Variants in SLC16A10 observed in about 807,000 individuals in gnomAD.
The protein encoded by SLC16A10 is solute carrier family 16 member 10, also known as monocarboxylate transporter 10.
In SLC16A10, 27 loss-of-function variants were observed where a neutral mutation model predicts 40.0. That is an observed-to-expected ratio of 0.67 (90% CI 0.50 to 0.93). The LOEUF (loss-of-function observed/expected upper bound fraction) is 0.93, where lower values mean the gene tolerates loss of function less well. Among genes scored for constraint, SLC16A10 ranks in the 40% least tolerant of loss-of-function variants. The pLI is 0.00. For synonymous variants in SLC16A10, 213 were observed against 249.8 expected (o/e 0.85, Z 1.39); for missense variants, 529 against 658.2 (o/e 0.80, Z 2.15).
chr6:111,112,696 T>A (rs1422640399), intron 1 of SLC16A10, among the ~76,000 whole-genome samples: 1 of 152,232 alleles, frequency 6.6e-6, no homozygotes, highest in African/African-American at 2.4e-5. Flanking sequence ...CCAATGTCTA[T>A]TTAATTAGTA....
chr6:111,098,613 A>G (rs926962754), intron 1 of SLC16A10, among the ~76,000 whole-genome samples: 11 of 152,156 alleles, frequency 7.2e-5, no homozygotes, highest in Admixed American at 1.3e-4. Context: ...TTCTGTGTAG[A>G]TAAGTATTAA....
chr6:111,109,789 T>C (rs1562399957), intron 1 of SLC16A10, among the ~76,000 whole-genome samples: 1 of 152,178 alleles, frequency 6.6e-6, no homozygotes, highest in Non-Finnish European at 1.5e-5. Context: ...TTGATGGATA[T>C]TGGGTTGTTT....
chr6:111,164,103 G>C (rs540568160), intron 1 of SLC16A10, among the ~76,000 whole-genome samples: 7 of 152,276 alleles, frequency 4.6e-5, no homozygotes, highest in African/African-American at 1.4e-4. Context: ...TTCACACACA[G>C]AATTTCTTTT....
At chr6:111,102,040 G>A (rs1434325130) in intron 1 of SLC16A10, among the ~76,000 whole-genome samples, 1 of 152,178 alleles carries the variant, frequency 6.6e-6, no homozygotes, top group Non-Finnish European at 1.5e-5. Flanking sequence ...TAAGTGTGAT[G>A]TTCTACCATA....
chr6:111,129,058 G>A (rs1771736345), intron 1 of SLC16A10, among the ~76,000 whole-genome samples: 1 of 151,254 alleles, frequency 6.6e-6, no homozygotes, highest in African/African-American at 2.4e-5. Context: ...TTAACATTAT[G>A]CTATAACAGG....
At chr6:111,213,639 A>C (rs562154591) in intron 4 of SLC16A10, among the ~76,000 whole-genome samples, 1 of 152,214 alleles carries the variant, frequency 6.6e-6, no homozygotes, top group African/African-American at 2.4e-5. Context: ...CTCCGTACTC[A>C]GTCTCATCTA....
chr6:111,100,959 C>CTCTCTCTCT (rs1562397089), intron 1 of SLC16A10, among the ~76,000 whole-genome samples: 4 of 81,490 alleles, frequency 4.9e-5, no homozygotes, highest in African/African-American at 1.4e-4. Flanking sequence ...TCTTTCTCTC[C>CTCTCTCTCT]CTCTCTCTCT....
intron 3 of SLC16A10, among the ~76,000 whole-genome samples, chr6:111,186,227 T>G (rs1291157916): frequency 6.6e-6 from 1 of 152,202 alleles, no homozygotes; most frequent in Non-Finnish European, 1.5e-5. Context: ...CATTTTGTTT[T>G]GCATGTGTCT....
chr6:111,187,141 T>C (rs1772911844), intron 3 of SLC16A10, among the ~76,000 whole-genome samples: 1 of 152,236 alleles, frequency 6.6e-6, no homozygotes, highest in South Asian at 2.1e-4. Flanking sequence ...ACAACATTTA[T>C]TTCCCGCATT....
At chr6:111,214,401 A>G (rs1773388987) in intron 4 of SLC16A10, among the ~76,000 whole-genome samples, 1 of 152,234 alleles carries the variant, frequency 6.6e-6, no homozygotes, top group Non-Finnish European at 1.5e-5. Context: ...CCAGATCAGT[A>G]TTTGATGCCT....
intron 1 of SLC16A10, among the ~76,000 whole-genome samples, chr6:111,169,922 T>TC (rs1383841609): frequency 1.3e-5 from 2 of 148,188 alleles, no homozygotes; most frequent in African/African-American, 2.5e-5. Context: ...TTTCTTTCTT[T>TC]TTTTTTTTTT....
At chr6:111,091,241 A>G (rs149367798) in intron 1 of SLC16A10, 9 of 152,284 alleles carry the variant, frequency 5.9e-5, no homozygotes, top group African/African-American at 2.2e-4. Flanking sequence ...ATGAATTTGC[A>G]TGTCATCCTT....
intron 3 of SLC16A10, among the ~76,000 whole-genome samples, chr6:111,200,846 G>A (rs1377740972): frequency 2.0e-5 from 3 of 152,056 alleles, no homozygotes; most frequent in African/African-American, 7.2e-5. Flanking sequence ...TTCAAATGTT[G>A]GATGGATATT....
In SLC16A10 at chr6:111,229,990, C is replaced by CT. The variant is rs4038340; in HGVS notation, c.*7773dup. 10,413 of 85,062 alleles carry CT rather than the reference C, an allele frequency of 0.12. 1,060 individuals are homozygous for CT. Among genetic ancestry groups the CT allele is most frequent in the Non-Finnish European group, 0.17 (8,215 of 49,446 alleles). The allele number at this position is 85,062 out of a possible 1,614,324, so 5.3% of individuals were successfully genotyped here. On this transcript the variant is annotated 3_prime_UTR_variant, in exon 6 of 6. Transcript: ENST00000368851. ...CAGGTTTCTTTTTCTTTCTTTGTTT[C>CT]TTTTTTTTTTTTTTTTTTGAGATGG...
Position 111,087,633 on chromosome 6 carries a change from G to T in SLC16A10, c.-120G>T. The T allele has an allele frequency of 1.9e-6, 1 of 520,496 alleles. No individual in the cohort carries two copies. The highest frequency in any genetic ancestry group is 4.6e-5 in the East Asian group (1 of 21,612). 32.2% of individuals were successfully genotyped at this position (520,496 alleles called of 1,614,324 possible). A position where few individuals can be genotyped will look rare whatever the true frequency, so the allele number is the denominator to read the frequency against. ...CTGCCAGCCCGCCCGCCCGCCAGGGGCTCCGCCGCCCTCGCCTCGGCCTCG... is the reference window on the plus strand; with the variant it reads ...CTGCCAGCCCGCCCGCCCGCCAGGGTCTCCGCCGCCCTCGCCTCGGCCTCG... On this transcript the variant is annotated 5_prime_UTR_variant, in exon 1 of 6. Coordinates refer to ENST00000368851, the MANE Select transcript of SLC16A10 (RefSeq NM_018593.5).
rs898034340 is a variant in SLC16A10 at position 111,109,691 on chromosome 6, AT to A, written c.343+21597del. 3.8e-4 allele frequency among the ~76,000 whole-genome samples: 58 copies of A among 152,038 alleles called. 1 individual carries two copies. Among genetic ancestry groups the A allele is most frequent in the South Asian group, 1.5e-3 (7 of 4,804 alleles). On this transcript the variant is annotated intron_variant, in intron 1 of 5. Transcript: ENST00000368851. ...GGTCTCAAACTCCTGGCCTCAAGCA[AT>A]CCTTCTGCCTTGGCCCCTCAAAGTG...
At chr6:111,128,889 AT>A (rs1771729898) in intron 1 of SLC16A10, among the ~76,000 whole-genome samples, 1 of 149,342 alleles carries the variant, frequency 6.7e-6, no homozygotes, top group Admixed American at 6.8e-5. Context: ...ATATTCAAAA[AT>A]AAAACAATTT....
intron 1 of SLC16A10, among the ~76,000 whole-genome samples, chr6:111,168,596 CAA>C (rs1289031110): frequency 1.3e-5 from 2 of 152,128 alleles, no homozygotes; most frequent in African/African-American, 4.8e-5. Context: ...TAAAACTTGA[CAA>C]AACTAGAAAT....
Position 111,210,284 on chromosome 6 carries a change from G to A in SLC16A10, c.1086+3549G>A, listed in dbSNP as rs1773324133. The stretch of plus-strand genomic sequence containing the variant: ...AGGCTACCTCACTGTGGGTGTCTGT[G>A]TGTATAGAGGTCCAGGCAGTCACAG... On this transcript the variant is annotated intron_variant, in intron 4 of 5. Coordinates refer to ENST00000368851, the MANE Select transcript of SLC16A10 (RefSeq NM_018593.5). Among the ~76,000 whole-genome samples the A allele has an allele frequency of 2.0e-5, 3 of 152,186 alleles. 1 individual carries two copies. The South Asian group carries it at 6.2e-4, about 32-fold the overall frequency.
Sources: gnomAD v4.1 joint callset for allele counts (sites outside exome capture counted in the v4.1 genomes callset) on GRCh38, gnomAD v4.1.1 for gene constraint, MANE v1.5 for transcripts, NCBI Gene and HGNC (gene_info 2026-07-23, HGNC 2026-07-21) for gene names.